SNX24: variants seen among roughly 807,000 people sequenced by gnomAD.
The protein encoded by SNX24 is sorting nexin-24.
Under a neutral mutation model 28.7 loss-of-function variants are expected in SNX24, and 22 were observed. The observed-to-expected ratio is 0.77, with a 90% CI of 0.55 to 1.10. SNX24 has a LOEUF of 1.10. Ranked by LOEUF, SNX24 falls within the 50% of genes least tolerant of loss-of-function variation. The pLI is 0.00. For missense variants in SNX24, 221 were observed against 201.1 expected, an observed-to-expected ratio of 1.10 and a Z score of -0.60; for synonymous variants, 69 against 71.5, an observed-to-expected ratio of 0.96 and a Z score of 0.18.
intron 3 of SNX24, 51 bp from the exon 4 acceptor site, chr5:122,999,861 T>C: frequency 9.6e-7 from 1 of 1,038,672 alleles, no homozygotes; most frequent in East Asian, 2.4e-5. Flanking sequence ...ATTTGATTGA[T>C]CACCTAGCAA....
At chr5:122,867,947 G>A (rs1162120305) in intron 1 of SNX24, among the ~76,000 whole-genome samples, 2 of 152,196 alleles carry the variant, frequency 1.3e-5, no homozygotes, top group African/African-American at 4.8e-5. Flanking sequence ...TCCTTCCAAG[G>A]AAAGTTTACA....
At chr5:122,885,044 A>G (rs1299521760) in intron 1 of SNX24, among the ~76,000 whole-genome samples, 2 of 152,248 alleles carry the variant, frequency 1.3e-5, no homozygotes, top group African/African-American at 2.4e-5. Flanking sequence ...TAAACAGTTT[A>G]GAAGTAAACA....
At chr5:122,921,829 T>C (rs1249956081) in intron 1 of SNX24, among the ~76,000 whole-genome samples, 1 of 152,176 alleles carries the variant, frequency 6.6e-6, no homozygotes, top group Non-Finnish European at 1.5e-5. Context: ...AAAATGATTG[T>C]ATTTTTGCAA....
intron 1 of SNX24, among the ~76,000 whole-genome samples, chr5:122,856,338 G>A (rs775805776): frequency 1.5e-4 from 23 of 152,078 alleles, no homozygotes; most frequent in Non-Finnish European, 2.2e-4. Context: ...ATTCCATGGC[G>A]TATATGTACC....
At chr5:122,913,602 G>A (rs1197486343) in intron 1 of SNX24, among the ~76,000 whole-genome samples, 6 of 151,750 alleles carry the variant, frequency 4.0e-5, no homozygotes, top group East Asian at 3.9e-4. Flanking sequence ...GCTGCCGGGC[G>A]GAGGGTCTCC....
At chr5:122,979,225 A>G (rs983723485) in intron 3 of SNX24, among the ~76,000 whole-genome samples, 2 of 152,236 alleles carry the variant, frequency 1.3e-5, no homozygotes, top group Non-Finnish European at 2.9e-5. Flanking sequence ...TTATTGATCA[A>G]AGTGGTAAAT....
chr5:122,999,661 G>A (rs1175423261), intron 3 of SNX24, among the ~76,000 whole-genome samples: 1 of 152,140 alleles, frequency 6.6e-6, no homozygotes, highest in Non-Finnish European at 1.5e-5. Context: ...AGCATCTAGT[G>A]TATAGTAGGT....
chr5:122,904,151 A>T (rs758358867), intron 1 of SNX24, among the ~76,000 whole-genome samples: 1 of 151,820 alleles, frequency 6.6e-6, no homozygotes, highest in African/African-American at 2.4e-5. Context: ...GAAGTAAAGC[A>T]GTTACCCAGT....
intron 1 of SNX24, among the ~76,000 whole-genome samples, chr5:122,888,195 C>G (rs1756799287): frequency 6.6e-6 from 1 of 151,836 alleles, no homozygotes; most frequent in African/African-American, 2.4e-5. Flanking sequence ...GTTGACTGTT[C>G]TTCTATGGTT....
intron 1 of SNX24, among the ~76,000 whole-genome samples, chr5:122,904,690 A>G (rs1322311874): frequency 6.6e-6 from 1 of 152,166 alleles, no homozygotes; most frequent in Non-Finnish European, 1.5e-5. Context: ...AATTCGGCTT[A>G]ATATGTCTTA....
chr5:122,851,836 A>G (rs1021313672), intron 1 of SNX24, among the ~76,000 whole-genome samples: 1 of 152,196 alleles, frequency 6.6e-6, no homozygotes, highest in African/African-American at 2.4e-5. Flanking sequence ...ATTCTGGAGT[A>G]TTTTTAAGCA....
chr5:123,019,323 T>G (rs1360918266), intron 5 of SNX24, among the ~76,000 whole-genome samples: 1 of 151,844 alleles, frequency 6.6e-6, no homozygotes, highest in East Asian at 1.9e-4. Context: ...TGAGGGGCTT[T>G]GAATTTCCAA....
intron 6 of SNX24, among the ~76,000 whole-genome samples, chr5:123,003,534 T>C (rs943691275): frequency 6.6e-6 from 1 of 152,226 alleles, no homozygotes; most frequent in Non-Finnish European, 1.5e-5. Context: ...TGCTCAGATA[T>C]GTCATGCATC....
At chr5:122,969,090 AG>A (rs1760838748) in intron 3 of SNX24, among the ~76,000 whole-genome samples, 1 of 152,194 alleles carries the variant, frequency 6.6e-6, no homozygotes, top group Non-Finnish European at 1.5e-5. Context: ...TAAGTAAAAT[AG>A]TGTAGTAACA....
chr5:123,015,692 CA>C (rs201276956), intron 5 of SNX24, among the ~76,000 whole-genome samples: 1,837 of 152,206 alleles, frequency 0.012, 20 homozygotes, highest in Non-Finnish European at 0.018. Flanking sequence ...TTGAGAACCA[CA>C]GTCCTAGGGC....
At chr5:122,955,791 A>AG (rs1349894523) in intron 3 of SNX24, among the ~76,000 whole-genome samples, 1 of 152,164 alleles carries the variant, frequency 6.6e-6, no homozygotes, top group East Asian at 1.9e-4. Context: ...ACACCATAAG[A>AG]GGGGGCACAT....
intron 1 of SNX24, among the ~76,000 whole-genome samples, chr5:122,862,491 A>G (rs775114169): frequency 6.6e-6 from 1 of 151,642 alleles, no homozygotes; most frequent in Non-Finnish European, 1.5e-5. Flanking sequence ...AGTCCCAGCT[A>G]CTGGGGAGGC....
chr5:122,921,451 C>T (rs1186352160), intron 1 of SNX24, among the ~76,000 whole-genome samples: 3 of 152,040 alleles, frequency 2.0e-5, no homozygotes, highest in Non-Finnish European at 4.4e-5. Flanking sequence ...AGGTCTTATT[C>T]AAAAAGTTTC....
chr5:122,852,487 G>A (rs985580040), intron 1 of SNX24, among the ~76,000 whole-genome samples: 1 of 152,032 alleles, frequency 6.6e-6, no homozygotes, highest in Non-Finnish European at 1.5e-5. Flanking sequence ...GGGACTACAG[G>A]TGCATGCCAT....
Sources: allele counts gnomAD v4.1 joint callset (sites outside exome capture counted in the v4.1 genomes callset), GRCh38; gene constraint gnomAD v4.1.1; transcripts MANE v1.5; gene names NCBI Gene and HGNC (gene_info 2026-07-23, HGNC 2026-07-21).